Variants in KCNA1 observed in about 807,000 individuals in gnomAD.
KCNA1 encodes the protein potassium channel, voltage gated shaker related subfamily A, member 1.
In KCNA1, 19 loss-of-function variants were observed where a neutral mutation model predicts 28.8. That is an observed-to-expected ratio of 0.66 (90% confidence interval 0.46 to 0.97). The LOEUF (loss-of-function observed/expected upper bound fraction) is 0.97, where lower values mean the gene tolerates loss of function less well. Among genes scored for constraint, KCNA1 ranks in the 50% least tolerant of loss-of-function variants. The pLI is 0.00. For synonymous variants in KCNA1, 311 were observed against 268.8 expected, an observed-to-expected ratio of 1.16 and a Z score of -1.53; for missense variants, 419 against 659.7, an observed-to-expected ratio of 0.64 and a Z score of 4.00.
Position 4,913,007 on chromosome 12 carries a change from G to C in KCNA1, c.*141G>C, listed in dbSNP as rs1947362135. ...TGGAATGCTCTATTTAACTGTCAAT[G>C]CGTTGTTGCATTGAGGATTTTGGGG... On this transcript the variant is annotated 3_prime_UTR_variant, in exon 2 of 2. Transcript: ENST00000382545. 4.2e-6 allele frequency: 3 copies of C among 715,504 alleles called. No homozygotes were observed. The highest frequency in any genetic ancestry group is 4.6e-5 in the Admixed American group (2 of 43,912). The allele number at this position is 715,504 out of a possible 1,614,324, so 44.3% of individuals were successfully genotyped here. A position where few individuals can be genotyped will look rare whatever the true frequency, so the allele number is the denominator to read the frequency against.
At position 4,910,637 on chromosome 12, in the gene KCNA1, G is replaced by A. The variant is rs1206500235; in HGVS notation, c.-540+165G>A. Among the ~76,000 whole-genome samples, 1 of 152,214 alleles carries A rather than the reference G, an allele frequency of 6.6e-6. No homozygotes were observed. The highest frequency in any genetic ancestry group is 1.5e-5 in the Non-Finnish European group (1 of 68,046). On this transcript the variant is annotated intron_variant, in intron 1 of 1. Transcript: ENST00000382545. This position sits in a 1 kb window ranked among gnomAD's most constrained non-coding sequence, Gnocchi z 4.9. Reference sequence around the variant, plus strand: ...GAAGTTGTAAACAGATCGGCTGTTGGGCATTGGGGAAAGTGGGATGGAAGA... The same window carrying A: ...GAAGTTGTAAACAGATCGGCTGTTGAGCATTGGGGAAAGTGGGATGGAAGA...
rs1947361732 is a variant in KCNA1 at position 4,912,924 on chromosome 12, C to T, written c.*58C>T. On this transcript the variant is annotated 3_prime_UTR_variant, in exon 2 of 2. Transcript: ENST00000382545. ...TTAGCAGCTCAAAAGACTTAAAAAACAAAACAGAAAACCTAGTGACTCATG... is the reference window on the plus strand; with the variant it reads ...TTAGCAGCTCAAAAGACTTAAAAAATAAAACAGAAAACCTAGTGACTCATG... The T allele has an allele frequency of 7.4e-6, 9 of 1,219,300 alleles. No homozygotes were observed. In the South Asian group the frequency reaches 1.1e-4, roughly 15 times the overall value. 75.5% of individuals were successfully genotyped at this position (1,219,300 alleles called of 1,614,324 possible).
At position 4,912,056 on chromosome 12, in the gene KCNA1, G is replaced by T; in HGVS notation, c.678G>T (p.Thr226=). 1 of 1,614,104 alleles carries T rather than the reference G, an allele frequency of 6.2e-7. No homozygotes were observed. The highest frequency in any genetic ancestry group is 8.5e-7 in the Non-Finnish European group (1 of 1,180,024). ...IFTDPFFIVE[T]LCIIWFSFEL... is the part of the protein sequence containing the mutation. ...CAGACCCCTTCTTCATCGTGGAAAC[G>T]CTGTGTATCATCTGGTTCTCCTTCG... Residue 226 remains threonine, a synonymous_variant, in exon 2 of 2, where the codon ACG becomes ACT. Coordinates refer to ENST00000382545, the MANE Select transcript of KCNA1 (RefSeq NM_000217.3).
At position 4,910,354 on chromosome 12, in the gene KCNA1, G is replaced by C. The variant is rs1565432461; in HGVS notation, c.-658G>C. ...GCGGCGAGTTTGCCCGGCGCGTCTC[G>C]GATGCTGCTGCGGCGGCCGCCGCGG... is the stretch of plus-strand genomic sequence containing the variant. On this transcript the variant is annotated 5_prime_UTR_variant, in exon 1 of 2. Transcript: ENST00000382545. The surrounding 1 kb of genome is among the most constrained non-coding windows in gnomAD (Gnocchi z 4.9). The C allele has an allele frequency of 6.6e-6, 1 of 152,254 alleles. No homozygotes were observed. Among genetic ancestry groups the C allele is most frequent in the Admixed American group, 6.5e-5 (1 of 15,288 alleles). The allele number at this position is 152,254 out of a possible 1,614,324, so 9.4% of individuals were successfully genotyped here.
Position 4,917,279 on chromosome 12 carries a change from T to C in KCNA1, c.*4413T>C, listed in dbSNP as rs972239378. ...AATTGTGATCTCAGGAGGTGAACTC[T>C]CATTCACCATGTGGCATATTACTAC... is the stretch of plus-strand genomic sequence containing the variant. On this transcript the variant is annotated 3_prime_UTR_variant, in exon 2 of 2. Transcript: ENST00000382545. 1 of 167,110 alleles carries C rather than the reference T, an allele frequency of 6.0e-6. No individual in the cohort carries two copies. Among genetic ancestry groups the C allele is most frequent in the African/African-American group, 2.4e-5 (1 of 41,464 alleles). The allele number at this position is 167,110 out of a possible 1,614,324, so 10.4% of individuals were successfully genotyped here.
At position 4,911,337 on chromosome 12, in the gene KCNA1, G is replaced by A. The variant is rs1346135062; in HGVS notation, c.-42G>A. ...CTGGTCCCTGGCTGCTTCCCACCCCGGGCTCTCTCCTGGCCTCCCACCCCC... is the reference window on the plus strand; with the variant it reads ...CTGGTCCCTGGCTGCTTCCCACCCCAGGCTCTCTCCTGGCCTCCCACCCCC... On this transcript the variant is annotated 5_prime_UTR_variant, in exon 2 of 2. Coordinates refer to ENST00000382545, the MANE Select transcript of KCNA1 (RefSeq NM_000217.3). The surrounding 1 kb of genome is among the most constrained non-coding windows in gnomAD (Gnocchi z 6.6). 1.5e-5 allele frequency: 19 copies of A among 1,280,976 alleles called. No homozygotes were observed. The highest frequency in any genetic ancestry group is 1.6e-5 in the African/African-American group (1 of 63,696). 79.4% of individuals were successfully genotyped at this position (1,280,976 alleles called of 1,614,324 possible).
rs1591627248 is a variant in KCNA1, at chr12:4,911,234, C to T, written c.-145C>T. 6.3e-6 allele frequency: 4 copies of T among 634,552 alleles called. No individual in the cohort carries two copies. In the East Asian group the frequency reaches 1.1e-4, roughly 17 times the overall value. 39.3% of individuals were successfully genotyped at this position (634,552 alleles called of 1,614,324 possible). A position where few individuals can be genotyped will look rare whatever the true frequency, so the allele number is the denominator to read the frequency against. On this transcript the variant is annotated 5_prime_UTR_variant, in exon 2 of 2. Transcript: ENST00000382545. The surrounding 1 kb of genome is among the most constrained non-coding windows in gnomAD (Gnocchi z 6.6). ...GCAAAGTCGCAGATCTCCCGACCTG[C>T]TCGTGTTGAAGCACCTCCCCCTGGG...
Position 4,912,797 on chromosome 12 carries a change from C to G in KCNA1, c.1419C>G (p.Ile473Met). Residue 473 changes from isoleucine to methionine, a missense_variant, in exon 2 of 2, where the codon ATC (isoleucine) becomes ATG (methionine). By Grantham distance (10) the Ile-to-Met change is conservative (BLOSUM62 1). Transcript: ENST00000382545. Reference sequence around the variant, plus strand: ...TAGCCCATTATAGACAGGTCAATATCAGAACTGCCAATTGCACCACTGCTA... The same window carrying G: ...TAGCCCATTATAGACAGGTCAATATGAGAACTGCCAATTGCACCACTGCTA... ...NSIAHYRQVN[I>M]RTANCTTANQ... 6.2e-7 allele frequency: 1 copy of G among 1,614,022 alleles called. No individual in the cohort carries two copies. The highest frequency in any genetic ancestry group is 8.5e-7 in the Non-Finnish European group (1 of 1,179,962).
chr12:4,912,287 C>T lies in KCNA1; in HGVS notation c.909C>T (p.Phe303=), dbSNP rs987257873. Residue 303 remains phenylalanine (F), a synonymous_variant, in exon 2 of 2, where the codon TTC becomes TTT. Coordinates refer to ENST00000382545, the MANE Select transcript of KCNA1 (RefSeq NM_000217.3). ...VIRLVRVFRI[F]KLSRHSKGLQ... The stretch of plus-strand genomic sequence containing the variant: ...GCTTGGTAAGGGTTTTTAGAATCTT[C>T]AAGCTCTCCCGCCACTCTAAGGGCC... 6.2e-7 allele frequency: 1 copy of T among 1,613,164 alleles called. No homozygotes were observed. The highest frequency in any genetic ancestry group is 1.3e-5 in the African/African-American group (1 of 74,686).
chr12:4,911,986 A>G lies in KCNA1; in HGVS notation c.608A>G (p.His203Arg). ...KDDKDFTGTVHRIDNTTVIYN... is the reference protein window; with the variant it reads ...KDDKDFTGTVRRIDNTTVIYN... ...GACAAGGACTTCACGGGCACCGTCC[A>G]CCGCATCGACAACACCACGGTCATC... The change falls in exon 2 of 2, where the codon CAC becomes CGC. Residue 203 changes from histidine (H) to arginine (R), a missense_variant. Around this residue, in one of 4 missense-constraint regions of KCNA1, gnomAD observed 217 missense variants for 329.6 expected, o/e 0.66. Coordinates refer to ENST00000382545, the MANE Select transcript of KCNA1 (RefSeq NM_000217.3). The surrounding 1 kb of genome is among the most constrained non-coding windows in gnomAD (Gnocchi z 6.6). 1.2e-6 allele frequency: 2 copies of G among 1,614,156 alleles called. No individual in the cohort carries two copies. The highest frequency in any genetic ancestry group is 2.2e-5 in the South Asian group (2 of 91,084).
At position 4,912,838 on chromosome 12, in the gene KCNA1, A is replaced by C. The variant is rs1351841852; in HGVS notation, c.1460A>C (p.Asn487Thr). 6.2e-7 allele frequency: 1 copy of C among 1,613,844 alleles called. No homozygotes were observed. Among genetic ancestry groups the C allele is most frequent in the East Asian group, 2.2e-5 (1 of 44,890 alleles). ...NCTTANQNCV[N>T]KSKLLTDV Reference sequence around the variant, plus strand: ...ACCACTGCTAACCAAAACTGCGTTAATAAGAGCAAGCTACTGACCGATGTT... The same window carrying C: ...ACCACTGCTAACCAAAACTGCGTTACTAAGAGCAAGCTACTGACCGATGTT... The change falls in exon 2 of 2, where the codon AAT becomes ACT. Residue 487 changes from asparagine (N) to threonine (T), a missense_variant. Physicochemically the swap from Asn to Thr is moderately conservative, Grantham distance 65. This residue lies in a region of KCNA1 where 81 missense variants were observed against 86.5 expected (regional missense o/e 0.94). Coordinates refer to ENST00000382545, the MANE Select transcript of KCNA1 (RefSeq NM_000217.3).
Position 4,910,663 on chromosome 12 carries a change from G to A in KCNA1, c.-539-177G>A, listed in dbSNP as rs908792999. Among the ~76,000 whole-genome samples, 7 of 152,184 alleles carry A rather than the reference G, an allele frequency of 4.6e-5. No homozygotes were observed. The highest frequency in any genetic ancestry group is 1.3e-4 in the Admixed American group (2 of 15,284). On this transcript the variant is annotated intron_variant, in intron 1 of 1. Transcript: ENST00000382545. This position sits in a 1 kb window ranked among gnomAD's most constrained non-coding sequence, Gnocchi z 4.9. ...GCATTGGGGAAAGTGGGATGGAAGA[G>A]CCCCAAACTTGGATTTCCGGGTGTC...
At position 4,915,993 on chromosome 12, in the gene KCNA1, G is replaced by A. The variant is rs1947383668; in HGVS notation, c.*3127G>A. 1 of 167,098 alleles carries A rather than the reference G, an allele frequency of 6.0e-6. No homozygotes were observed. Among genetic ancestry groups the A allele is most frequent in the Non-Finnish European group, 1.5e-5 (1 of 68,116 alleles). The allele number at this position is 167,098 out of a possible 1,614,324, so 10.4% of individuals were successfully genotyped here. A position where few individuals can be genotyped will look rare whatever the true frequency, so the allele number is the denominator to read the frequency against. ...GTGTGAGGAAAGTGAATGCTGCTTAGCTCATCTGTAGCTCATTGCAATGAA... is the reference window on the plus strand; with the variant it reads ...GTGTGAGGAAAGTGAATGCTGCTTAACTCATCTGTAGCTCATTGCAATGAA... On this transcript the variant is annotated 3_prime_UTR_variant, in exon 2 of 2. Coordinates refer to ENST00000382545, the MANE Select transcript of KCNA1 (RefSeq NM_000217.3).
Position 4,917,788 on chromosome 12 carries a change from C to G in KCNA1, c.*4922C>G, listed in dbSNP as rs1393277691. On this transcript the variant is annotated 3_prime_UTR_variant, in exon 2 of 2. Coordinates refer to ENST00000382545, the MANE Select transcript of KCNA1 (RefSeq NM_000217.3). ...AAATCTCTTGTAAAATATTCCAGGTCAAAGTTGTCTCCTCTCCAAACCTTG... is the reference window on the plus strand; with the variant it reads ...AAATCTCTTGTAAAATATTCCAGGTGAAAGTTGTCTCCTCTCCAAACCTTG... The G allele has an allele frequency of 1.2e-5, 2 of 167,050 alleles. No homozygotes were observed. The highest frequency in any genetic ancestry group is 4.8e-5 in the African/African-American group (2 of 41,448). The allele number at this position is 167,050 out of a possible 1,614,324, so 10.3% of individuals were successfully genotyped here.
rs780167432 is a variant in KCNA1, at chr12:4,912,789, G to T, written c.1411G>T (p.Val471Phe). Residue 471 changes from valine (V) to phenylalanine (F), a missense_variant, in exon 2 of 2, where the codon GTC becomes TTC. Val to Phe is a conservative substitution (Grantham distance 50, BLOSUM62 -1). Around this residue, in one of 4 missense-constraint regions of KCNA1, gnomAD observed 81 missense variants for 86.5 expected, o/e 0.94. Transcript: ENST00000382545. ...MNNSIAHYRQ[V>F]NIRTANCTTA... ...TAATAGCATAGCCCATTATAGACAG[G>T]TCAATATCAGAACTGCCAATTGCAC... 1.9e-6 allele frequency: 3 copies of T among 1,614,062 alleles called. No homozygotes were observed. In the East Asian group the frequency reaches 6.7e-5, roughly 36 times the overall value.
rs757211402 is a variant in KCNA1, at chr12:4,916,206, T to A, written c.*3340T>A. 5 of 167,054 alleles carry A rather than the reference T, an allele frequency of 3.0e-5. No homozygotes were observed. The highest frequency in any genetic ancestry group is 7.3e-5 in the Non-Finnish European group (5 of 68,130). The allele number at this position is 167,054 out of a possible 1,614,324, so 10.3% of individuals were successfully genotyped here. A position where few individuals can be genotyped will look rare whatever the true frequency, so the allele number is the denominator to read the frequency against. On this transcript the variant is annotated 3_prime_UTR_variant, in exon 2 of 2. Coordinates refer to ENST00000382545, the MANE Select transcript of KCNA1 (RefSeq NM_000217.3). ...TTCATATTTATTTTAGCAGCCTTTTTACCTTTTCTTCCCCTTCCTAGGCAT... is the reference window on the plus strand; with the variant it reads ...TTCATATTTATTTTAGCAGCCTTTTAACCTTTTCTTCCCCTTCCTAGGCAT...
Position 4,912,645 on chromosome 12 carries a change from G to A in KCNA1, c.1267G>A (p.Glu423Lys). 6.2e-7 allele frequency: 1 copy of A among 1,613,276 alleles called. No homozygotes were observed. Among genetic ancestry groups the A allele is most frequent in the Non-Finnish European group, 8.5e-7 (1 of 1,179,948 alleles). The change falls in exon 2 of 2, where the codon GAG (glutamate) becomes AAG (lysine). Residue 423 changes from glutamate (E) to lysine (K), a missense_variant. Glu to Lys is a moderately conservative substitution (Grantham distance 56). This residue lies in a region of KCNA1 where 54 missense variants were observed against 186.4 expected (regional missense o/e 0.29). Coordinates refer to ENST00000382545, the MANE Select transcript of KCNA1 (RefSeq NM_000217.3). ...CTACCACCGAGAAACTGAGGGGGAA[G>A]AGCAGGCTCAGTTGCTCCACGTCAG... The part of the protein sequence containing the change: ...YFYHRETEGE[E>K]QAQLLHVSSP...
chr12:4,915,254 C>G lies in KCNA1; in HGVS notation c.*2388C>G, dbSNP rs1947377966. ...CCCACCGGTGGAGAGGTACTCACAGCCTTTCAAAGGACCCTGAGGTGGGGA... is the reference window on the plus strand; with the variant it reads ...CCCACCGGTGGAGAGGTACTCACAGGCTTTCAAAGGACCCTGAGGTGGGGA... On this transcript the variant is annotated 3_prime_UTR_variant, in exon 2 of 2. Transcript: ENST00000382545. 1 of 166,988 alleles carries G rather than the reference C, an allele frequency of 6.0e-6. No individual in the cohort carries two copies. Among genetic ancestry groups the G allele is most frequent in the African/African-American group, 2.4e-5 (1 of 41,428 alleles). The allele number at this position is 166,988 out of a possible 1,614,324, so 10.3% of individuals were successfully genotyped here.
chr12:4,914,215 T>C lies in KCNA1; in HGVS notation c.*1349T>C, dbSNP rs1250418080. 6.0e-6 allele frequency: 1 copy of C among 166,994 alleles called. No individual in the cohort carries two copies. The highest frequency in any genetic ancestry group is 1.5e-5 in the Non-Finnish European group (1 of 68,112). The allele number at this position is 166,994 out of a possible 1,614,324, so 10.3% of individuals were successfully genotyped here. On this transcript the variant is annotated 3_prime_UTR_variant, in exon 2 of 2. Transcript: ENST00000382545. ...ATGCCCATCCCTTAAAGGGAAGCCATGTGAAAAACTCAATAAGTCATCAAA... is the reference window on the plus strand; with the variant it reads ...ATGCCCATCCCTTAAAGGGAAGCCACGTGAAAAACTCAATAAGTCATCAAA...
Sources: gnomAD v4.1 joint callset for allele counts (sites outside exome capture counted in the v4.1 genomes callset) on GRCh38, gnomAD v4.1.1 for gene constraint, gnomAD v4.1.1 regional missense constraint, Gnocchi (gnomAD v3.1) non-coding constraint, MANE v1.5 for transcripts, NCBI Gene and HGNC (gene_info 2026-07-23, HGNC 2026-07-21) for gene names.